The following CDKN2C variants were observed in gnomAD, a reference collection of about 807,000 sequenced individuals.
CDKN2C encodes the protein cyclin dependent kinase inhibitor 2C, also known as cyclin-dependent kinase 4 inhibitor C.
In CDKN2C, 5 loss-of-function variants were observed where a neutral mutation model predicts 11.0. That is an observed-to-expected ratio of 0.45 (90% confidence interval 0.24 to 0.95). The LOEUF is 0.95. CDKN2C is among the 40% of genes least tolerant of loss of function. The pLI, the probability that CDKN2C is intolerant of heterozygous loss-of-function variation, is 0.21. For missense variants in CDKN2C, 161 were observed against 211.9 expected (o/e 0.76, Z 1.49); for synonymous variants, 79 against 88.3 (o/e 0.89, Z 0.59).
At chr1:50,967,743 A>C (rs954903956), upstream of CDKN2C, among the ~76,000 whole-genome samples, 10 of 152,220 alleles carry the variant, frequency 6.6e-5, no homozygotes, top group Non-Finnish European at 1.0e-4. Flanking sequence ...GTGTCGGATG[A>C]TTAAATAAAG....
At chr1:50,966,349 A>C (rs916385060), upstream of CDKN2C, among the ~76,000 whole-genome samples, 1 of 152,016 alleles carries the variant, frequency 6.6e-6, no homozygotes, top group Non-Finnish European at 1.5e-5. Context: ...GGCCACTTCT[A>C]TGTCTCCTTA....
At chr1:50,968,135 G>C (rs958550460), upstream of CDKN2C, 1 of 24,202 alleles carries the variant, frequency 4.1e-5, no homozygotes, top group African/African-American at 2.0e-4. Flanking sequence ...GGATCTGGCA[G>C]GTGCGAGGCC....
At position 50,961,138 on chromosome 1, in the gene CDKN2C, C is replaced by T. The variant is rs935141011; in HGVS notation, c.-1976+335C>T. ...GCGACCTCCGCTTTCTGGGTTCAAG[C>T]GATTCTCCTGCCTCAGCCTCCATAG... On this transcript the variant is annotated intron_variant, in intron 1 of 3. Transcript: ENST00000262662. 2.6e-5 allele frequency among the ~76,000 whole-genome samples: 4 copies of T among 152,192 alleles called. No individual in the cohort carries two copies. The East Asian group carries it at 7.7e-4, about 29-fold the overall frequency.
At chr1:50,968,702 G>C (rs962735953), upstream of CDKN2C, 2 of 152,200 alleles carry the variant, frequency 1.3e-5, no homozygotes, top group African/African-American at 4.8e-5. Context: ...CAACTCTGCC[G>C]AGCCTCCTTA....
At chr1:50,966,586 G>GC (rs902242919), upstream of CDKN2C, among the ~76,000 whole-genome samples, 4 of 152,000 alleles carry the variant, frequency 2.6e-5, no homozygotes, top group African/African-American at 4.8e-5. Context: ...TAGTGAACTA[G>GC]CCCTCAATAA....
chr1:50,961,259 C>T (rs538829631), intron 1 of CDKN2C, among the ~76,000 whole-genome samples: 47 of 152,268 alleles, frequency 3.1e-4, no homozygotes, highest in African/African-American at 1.0e-3. Flanking sequence ...AAGCTGATCT[C>T]GAACTCCTGT....
At chr1:50,962,881 A>G (rs1645332508) in intron 1 of CDKN2C, among the ~76,000 whole-genome samples, 1 of 152,248 alleles carries the variant, frequency 6.6e-6, no homozygotes, top group African/African-American at 2.4e-5. Flanking sequence ...TATTGGTATC[A>G]CACTAACATA....
chr1:50,970,274 C>G lies in CDKN2C; in HGVS notation c.-95C>G. ...TAACCATCCCAGTCCTTCTGTCAGT[C>G]TCCGATGCCATCATGCAGCCTGGTT... On this transcript the variant is annotated 5_prime_UTR_variant, in exon 1 of 2. Coordinates refer to ENST00000371761, the MANE Select transcript of CDKN2C (RefSeq NM_078626.3). The G allele has an allele frequency of 1.3e-6, 2 of 1,489,202 alleles. No individual in the cohort carries two copies. Among genetic ancestry groups the G allele is most frequent in the Admixed American group, 1.8e-5 (1 of 56,450 alleles). 92.2% of individuals were successfully genotyped at this position (1,489,202 alleles called of 1,614,324 possible).
Position 50,970,408 on chromosome 1 carries a change from G to T in CDKN2C, c.40G>T (p.Ala14Ser), listed in dbSNP as rs187919694. 1 of 1,614,178 alleles carries T rather than the reference G, an allele frequency of 6.2e-7. No homozygotes were observed. Among genetic ancestry groups the T allele is most frequent in the Admixed American group, 1.7e-5 (1 of 60,032 alleles). ...PWGNELASAAARGDLEQLTSL... is the reference protein window; with the variant it reads ...PWGNELASAASRGDLEQLTSL... The stretch of plus-strand genomic sequence containing the variant: ...GGGGAACGAGTTGGCGTCCGCAGCT[G>T]CCAGGGGGGACCTAGAGCAACTTAC... The change falls in exon 1 of 2, where the codon GCC becomes TCC. Residue 14 changes from alanine (A) to serine (S), a missense_variant. Ala to Ser is a moderately conservative substitution (Grantham distance 99). Coordinates refer to ENST00000371761, the MANE Select transcript of CDKN2C (RefSeq NM_078626.3).
Position 50,970,439 on chromosome 1 carries a change from T to C in CDKN2C, c.71T>C (p.Leu24Ser). 6.2e-7 allele frequency: 1 copy of C among 1,614,110 alleles called. No homozygotes were observed. The part of the protein sequence containing the change: ...ARGDLEQLTS[L>S]LQNNVNVNAQ... ...GGGGACCTAGAGCAACTTACTAGTT[T>C]GTTGCAAAATAATGTAAACGTCAAT... The change falls in exon 1 of 2, where the codon TTG becomes TCG. Residue 24 changes from leucine to serine, a missense_variant. Leu to Ser is a moderately radical substitution (Grantham distance 145). Transcript: ENST00000371761.
At chr1:50,967,303 A>G (rs1481371992), upstream of CDKN2C, among the ~76,000 whole-genome samples, 3 of 152,238 alleles carry the variant, frequency 2.0e-5, no homozygotes, top group African/African-American at 7.2e-5. Flanking sequence ...GTCTACATAT[A>G]TGTAAGAAAA....
At chr1:50,971,080 A>T (rs1169992017) in intron 1 of CDKN2C, among the ~76,000 whole-genome samples, 1 of 152,230 alleles carries the variant, frequency 6.6e-6, no homozygotes, top group African/African-American at 2.4e-5. Flanking sequence ...AGGAATAAAA[A>T]GTTGAATTTT....
chr1:50,973,267 A>C (rs1645390070), intron 1 of CDKN2C, among the ~76,000 whole-genome samples: 1 of 152,196 alleles, frequency 6.6e-6, no homozygotes. Flanking sequence ...TTTTTAAGAA[A>C]TGCTTGGAAA....
intron 1 of CDKN2C, among the ~76,000 whole-genome samples, chr1:50,963,132 A>G (rs1260781471): frequency 6.6e-6 from 1 of 152,248 alleles, no homozygotes; most frequent in Non-Finnish European, 1.5e-5. Flanking sequence ...AATTTAAGCC[A>G]GTAAGGATCT....
At chr1:50,961,768 A>C (rs1570196877) in intron 1 of CDKN2C, among the ~76,000 whole-genome samples, 1 of 152,214 alleles carries the variant, frequency 6.6e-6, no homozygotes. Context: ...CCTGTGCTCA[A>C]GCCATCCTCC....
rs1357005686 is a variant in CDKN2C, at chr1:50,973,886, T to C, written c.130-7T>C. The C allele has an allele frequency of 7.4e-6, 12 of 1,614,034 alleles. No homozygotes were observed. Among genetic ancestry groups the C allele is most frequent in the Non-Finnish European group, 1.0e-5 (12 of 1,179,994 alleles). On this transcript the variant is annotated splice_polypyrimidine_tract_variant and splice_region_variant and intron_variant, in intron 1 of 1. Transcript: ENST00000371761. Reference sequence around the variant, plus strand: ...GAAGGATTCTACCATTTCTACTTCTTTTCCAGGTTATGAAACTTGGAAATC... The same window carrying C: ...GAAGGATTCTACCATTTCTACTTCTCTTCCAGGTTATGAAACTTGGAAATC...
chr1:50,966,020 T>C (rs1177084827), upstream of CDKN2C, among the ~76,000 whole-genome samples: 1 of 151,978 alleles, frequency 6.6e-6, no homozygotes, highest in Non-Finnish European at 1.5e-5. Flanking sequence ...GAATCACATT[T>C]CTATTCTATG....
chr1:50,964,664 T>G (rs1645338471), intron 1 of CDKN2C, among the ~76,000 whole-genome samples: 1 of 152,232 alleles, frequency 6.6e-6, no homozygotes, highest in Non-Finnish European at 1.5e-5. Context: ...TGTCTAGTAT[T>G]CACTGACTTT....
At chr1:50,964,768 T>C (rs1645339387) in intron 1 of CDKN2C, among the ~76,000 whole-genome samples, 1 of 152,228 alleles carries the variant, frequency 6.6e-6, no homozygotes, top group Non-Finnish European at 1.5e-5. Context: ...GATTAATATA[T>C]GCATTGGCTG....
Sources: gnomAD v4.1 joint callset for allele counts (sites outside exome capture counted in the v4.1 genomes callset) on GRCh38, gnomAD v4.1.1 for gene constraint, MANE v1.5 for transcripts, NCBI Gene and HGNC (gene_info 2026-07-23, HGNC 2026-07-21) for gene names.